ASAH1: variants seen among roughly 807,000 people sequenced by gnomAD.
ASAH1 encodes the protein N-acylsphingosine amidohydrolase 1.
In ASAH1, 70 loss-of-function variants were observed where a neutral mutation model predicts 59.5. The observed-to-expected ratio is 1.18, with a 90% CI of 0.97 to 1.43. The LOEUF is 1.43. Ranked by LOEUF, ASAH1 falls within the 40% of genes most tolerant of loss-of-function variation. ASAH1 has a pLI of 0.00. For synonymous variants in ASAH1, 213 were observed against 166.5 expected (o/e 1.28, Z -2.15); for missense variants, 660 against 482.5 (o/e 1.37, Z -3.45).
chr8:18,069,957 C>T (rs58430075), intron 3 of ASAH1, 79 bp from the exon 4 acceptor site: 1 of 970,294 alleles, frequency 1.0e-6, no homozygotes, highest in South Asian at 1.4e-5. Flanking sequence ...CCATATGTAG[C>T]TAAAAGAGAG....
At chr8:18,075,870 A>C (rs1199136942) in intron 1 of ASAH1, 2 of 461,360 alleles carry the variant, frequency 4.3e-6, no homozygotes, top group Non-Finnish European at 7.9e-6. Flanking sequence ...GTAACAAAGT[A>C]GATGGAAAAT....
rs139074080 is a variant in ASAH1 at position 18,067,242 on chromosome 8, G to A, written c.360C>T (p.Ala120=). The A allele has an allele frequency of 2.0e-5, 32 of 1,591,972 alleles. No individual in the cohort carries two copies. The highest frequency in any genetic ancestry group is 1.4e-4 in the African/African-American group (10 of 73,608). Residue 120 remains alanine, a synonymous_variant, in exon 5 of 14, where the codon GCC becomes GCT. Transcript: ENST00000637790. ...TACCTAAAGGTATATCAGTAACAGC[G>A]GCAATACCCTTCATTTCCTCTTCAA... ...GPFEEEMKGI[A]AVTDIPLGEI...
rs975053462 is a variant in ASAH1 at position 18,073,107 on chromosome 8, G to C, written c.126-1717C>G. On this transcript the variant is annotated intron_variant, in intron 2 of 13. Transcript: ENST00000637790. ...AACCTGCACTAATTAGAATTTGAGA[G>C]AACTGGTTAATCTAATAAACCAAAT... 3 of 757,496 alleles carry C rather than the reference G, an allele frequency of 4.0e-6. No individual in the cohort carries two copies. The African/African-American group carries it at 5.2e-5, about 13-fold the overall frequency. The allele number at this position is 757,496 out of a possible 1,614,324, so 46.9% of individuals were successfully genotyped here.
At chr8:18,061,251 A>T in intron 10 of ASAH1, 126 bp downstream of exon 10, 2 of 765,228 alleles carry the variant, frequency 2.6e-6, no homozygotes, top group Non-Finnish European at 4.3e-6. Context: ...TGAGTGTCAG[A>T]GGTTCACCTA....
intron 1 of ASAH1, among the ~76,000 whole-genome samples, chr8:18,082,854 A>G (rs1800713453): frequency 6.6e-6 from 1 of 152,160 alleles, no homozygotes; most frequent in Admixed American, 6.5e-5. Context: ...CCCAATTCCC[A>G]TAAAACCAAC....
intron 7 of ASAH1, 59 bp from the exon 8 acceptor site, chr8:18,062,482 G>C: frequency 6.3e-7 from 1 of 1,580,954 alleles, no homozygotes. Context: ...TGATCAACAT[G>C]ATGATGAGGG....
intron 1 of ASAH1, among the ~76,000 whole-genome samples, chr8:18,078,517 G>C (rs137905066): frequency 1.1e-3 from 161 of 152,236 alleles, no homozygotes; most frequent in African/African-American, 3.7e-3. Flanking sequence ...GAACGCCTAA[G>C]TCGTTTATGC....
intron 6 of ASAH1, chr8:18,064,032 T>C: frequency 3.8e-6 from 1 of 262,538 alleles, no homozygotes; most frequent in Non-Finnish European, 7.2e-6. Flanking sequence ...TACGGGAAAG[T>C]GAGGCTGGTA....
At chr8:18,069,676 G>T in intron 4 of ASAH1, 116 bp downstream of exon 4, 2 of 724,290 alleles carry the variant, frequency 2.8e-6, no homozygotes, top group South Asian at 3.2e-5. Flanking sequence ...CAGTGAGCTA[G>T]ATTCATGCAG....
At chr8:18,074,077 C>G (rs1800289296) in intron 2 of ASAH1, among the ~76,000 whole-genome samples, 1 of 152,156 alleles carries the variant, frequency 6.6e-6, no homozygotes, top group South Asian at 2.1e-4. Context: ...GCAGGGCATT[C>G]AATTTATAGA....
Position 18,083,966 on chromosome 8 carries a change from C to T in ASAH1, c.78+15G>A. The T allele has an allele frequency of 6.3e-7, 1 of 1,596,912 alleles. No individual in the cohort carries two copies. Among genetic ancestry groups the T allele is most frequent in the Non-Finnish European group, 8.5e-7 (1 of 1,179,048 alleles). On this transcript the variant is annotated intron_variant, in intron 1 of 13. Transcript: ENST00000637790. ...CTGCACGCCCCTCTCTGCGCCTCGG[C>T]TCAAGCTCACTCACCGGCGGCGCGT... is the stretch of plus-strand genomic sequence containing the variant.
intron 11 of ASAH1, 44 bp from the exon 12 acceptor site, chr8:18,059,508 A>C (rs1799604595): frequency 1.2e-6 from 2 of 1,614,060 alleles, no homozygotes; most frequent in African/African-American, 1.3e-5. Flanking sequence ...ACATGCCTTA[A>C]AACTCAAAGT....
Position 18,057,618 on chromosome 8 carries a change from G to C in ASAH1, c.1104C>G (p.Thr368=). 1.9e-6 allele frequency: 3 copies of C among 1,598,708 alleles called. No homozygotes were observed. The highest frequency in any genetic ancestry group is 2.6e-6 in the Non-Finnish European group (3 of 1,170,090). The change falls in exon 14 of 14, where the codon ACC becomes ACG. Residue 368 remains threonine (T), a synonymous_variant. Coordinates refer to ENST00000637790, the MANE Select transcript of ASAH1 (RefSeq NM_177924.5). ...TAACATCTATCAAGGTTGTGTATAC[G>C]GTCAGCTGAAAGAAAAGTTATTTTT... ...LSTKPVLNKL[T]VYTTLIDVTK...
At chr8:18,067,123 A>G in intron 5 of ASAH1, 97 bp downstream of exon 5, 1 of 554,788 alleles carries the variant, frequency 1.8e-6, no homozygotes, top group Non-Finnish European at 2.5e-6. Flanking sequence ...TATATCTAAG[A>G]CATACAGCAC....
chr8:18,084,343 C>T (rs1800802752), upstream of ASAH1: 14 of 1,415,532 alleles, frequency 9.9e-6, no homozygotes, highest in Admixed American at 8.8e-5. Context: ...TCCCCCTCCC[C>T]CACCGCGGGC....
chr8:18,064,862 G>T, intron 5 of ASAH1: 2 of 228,252 alleles, frequency 8.8e-6, no homozygotes, highest in South Asian at 8.4e-5. Flanking sequence ...TAATACATCT[G>T]GCTCTTGGCT....
At chr8:18,083,415 C>A (rs888840850) in intron 1 of ASAH1, 1 of 156,698 alleles carries the variant, frequency 6.4e-6, no homozygotes, top group African/African-American at 2.4e-5. Context: ...CTGTGACTTG[C>A]TCGTGGGAAA....
At chr8:18,062,145 T>G in intron 8 of ASAH1, 134 bp downstream of exon 8, 3 of 1,194,816 alleles carry the variant, frequency 2.5e-6, no homozygotes, top group Non-Finnish European at 3.7e-6. Context: ...ACCTATGAAG[T>G]GACAAGAAGT....
In ASAH1 at chr8:18,071,346, G is replaced by C. The variant is rs11538152; in HGVS notation, c.170C>G (p.Pro57Arg). ...CAATTCATGCCATCTTTTGTAGGGTGGTAAGTCAAGATTTATGGTGTACCA... is the reference window on the plus strand; with the variant it reads ...CAATTCATGCCATCTTTTGTAGGGTCGTAAGTCAAGATTTATGGTGTACCA... The part of the protein sequence containing the change: ...VPWYTINLDL[P>R]PYKRWHELML... Residue 57 changes from proline to arginine, a missense_variant, in exon 3 of 14, where the codon CCA becomes CGA. Transcript: ENST00000637790. The C allele has an allele frequency of 6.2e-7, 1 of 1,604,928 alleles. No individual in the cohort carries two copies. The highest frequency in any genetic ancestry group is 2.2e-5 in the East Asian group (1 of 44,808).
Sources: gnomAD v4.1 joint callset for allele counts (sites outside exome capture counted in the v4.1 genomes callset) on GRCh38, gnomAD v4.1.1 for gene constraint, MANE v1.5 for transcripts, NCBI Gene and HGNC (gene_info 2026-07-23, HGNC 2026-07-21) for gene names.